TDRD3: variants seen among roughly 807,000 people sequenced by gnomAD.
The protein encoded by TDRD3 is tudor domain-containing protein 3.
A neutral mutation model predicts 86.7 loss-of-function variants in TDRD3; 45 were observed. That is an observed-to-expected ratio of 0.52 (90% confidence interval 0.41 to 0.67). TDRD3 has a LOEUF of 0.67. Ranked by LOEUF, TDRD3 falls within the 30% of genes least tolerant of loss-of-function variation. The pLI is 0.00. For synonymous variants in TDRD3, 298 were observed against 301.7 expected, an observed-to-expected ratio of 0.99 and a Z score of 0.13; for missense variants, 814 against 889.0, an observed-to-expected ratio of 0.92 and a Z score of 1.07.
intron 7 of TDRD3, among the ~76,000 whole-genome samples, chr13:60,486,976 C>T (rs917783285): frequency 2.0e-5 from 3 of 151,980 alleles, no homozygotes; most frequent in Admixed American, 6.6e-5. Flanking sequence ...TATGTGTAGA[C>T]AGTCAGCTCT....
chr13:60,420,147 G>A (rs1380918387), intron 1 of TDRD3, among the ~76,000 whole-genome samples: 1 of 151,862 alleles, frequency 6.6e-6, no homozygotes, highest in African/African-American at 2.4e-5. Context: ...TTTTCTACTT[G>A]TAATTATTTC....
rs180710804 is a variant in TDRD3 at position 60,510,780 on chromosome 13, T to G, written c.1141+25T>G. 2.8e-3 allele frequency: 4,166 copies of G among 1,481,004 alleles called. 7 individuals carry two copies. The highest frequency in any genetic ancestry group is 3.2e-3 in the Non-Finnish European group (3,551 of 1,112,562). 91.7% of individuals were successfully genotyped at this position (1,481,004 alleles called of 1,614,324 possible). A position where few individuals can be genotyped will look rare whatever the true frequency, so the allele number is the denominator to read the frequency against. On this transcript the variant is annotated intron_variant, in intron 10 of 13. Transcript: ENST00000377881. ...GGTAAGCTAATTTAAAGTTGATTCC[T>G]TTTTTTTTCTTTCTTTTCTTTCTTT...
chr13:60,566,919 ATCTC>A (rs566983193), intron 12 of TDRD3, among the ~76,000 whole-genome samples: 1,796 of 152,286 alleles, frequency 0.012, 16 homozygotes, highest in Non-Finnish European at 0.018. Flanking sequence ...TACTCTGGTG[ATCTC>A]TCTATCTTGC....
At chr13:60,525,086 CAAA>C (rs372010456) in intron 10 of TDRD3, among the ~76,000 whole-genome samples, 1 of 39,742 alleles carries the variant, frequency 2.5e-5, no homozygotes, top group South Asian at 1.9e-3. Flanking sequence ...AATTTTCTCT[CAAA>C]AAAAAAAAAA....
In TDRD3 at chr13:60,523,573, C is replaced by CTT. The variant is rs67692021; in HGVS notation, c.1142-4774_1142-4773dup. 3.3e-3 allele frequency among the ~76,000 whole-genome samples: 350 copies of CTT among 105,000 alleles called. 1 individual carries two copies. The highest frequency in any genetic ancestry group is 4.6e-3 in the Non-Finnish European group (240 of 51,694). The allele number at this position is 105,000 out of a possible 152,430, so 68.9% of individuals were successfully genotyped here. ...TTTGTCTATTTTGCAATACATTTTT[C>CTT]TTTTTTTTTTTTTTTTTTTTTGAGA... On this transcript the variant is annotated intron_variant, in intron 10 of 13. Transcript: ENST00000377881.
intron 12 of TDRD3, among the ~76,000 whole-genome samples, chr13:60,563,278 A>G (rs973346735): frequency 1.3e-5 from 2 of 152,016 alleles, no homozygotes; most frequent in Middle Eastern, 3.4e-3. Context: ...AAAAATGAAC[A>G]TATTGCTGGA....
At chr13:60,530,840 G>A (rs1957568139) in intron 11 of TDRD3, among the ~76,000 whole-genome samples, 1 of 152,082 alleles carries the variant, frequency 6.6e-6, no homozygotes, top group African/African-American at 2.4e-5. Context: ...TGTAAGTAAA[G>A]GTAACTGAAG....
At chr13:60,454,902 CTATT>C (rs1328080613) in intron 3 of TDRD3, among the ~76,000 whole-genome samples, 2 of 151,830 alleles carry the variant, frequency 1.3e-5, no homozygotes, top group Non-Finnish European at 2.9e-5. Flanking sequence ...TATCCCACCT[CTATT>C]GATTGATTGG....
chr13:60,460,730 C>A, intron 4 of TDRD3, 190 bp downstream of exon 4: 1 of 482,982 alleles, frequency 2.1e-6, no homozygotes, highest in Non-Finnish European at 3.3e-6. Context: ...TATGGCCAGG[C>A]GTGGTGGCTC....
chr13:60,509,463 C>T (rs1957010929), intron 8 of TDRD3: 2 of 213,616 alleles, frequency 9.4e-6, no homozygotes, highest in Non-Finnish European at 1.9e-5. Flanking sequence ...AAGTAGTTTT[C>T]TCCTCACTGT....
At chr13:60,506,070 C>T (rs903648122) in intron 8 of TDRD3, among the ~76,000 whole-genome samples, 22 of 152,080 alleles carry the variant, frequency 1.4e-4, no homozygotes, top group Admixed American at 7.9e-4. Context: ...AACCCCAAGA[C>T]ACATAATCAT....
chr13:60,452,478 A>G (rs1466572998), intron 3 of TDRD3, among the ~76,000 whole-genome samples: 1 of 152,000 alleles, frequency 6.6e-6, no homozygotes, highest in East Asian at 1.9e-4. Context: ...ATATTCTTAC[A>G]TTATTCTGTA....
intron 1 of TDRD3, among the ~76,000 whole-genome samples, chr13:60,434,551 T>G (rs1299914089): frequency 6.6e-6 from 1 of 152,090 alleles, no homozygotes; most frequent in Admixed American, 6.5e-5. Context: ...GTGAGAAATA[T>G]TTGTCTGTTC....
At chr13:60,551,855 G>A (rs907378203) in intron 12 of TDRD3, among the ~76,000 whole-genome samples, 2 of 152,132 alleles carry the variant, frequency 1.3e-5, no homozygotes, top group Non-Finnish European at 2.9e-5. Flanking sequence ...ATGAGGAACT[G>A]CAAACACTTT....
chr13:60,396,369 G>A (rs1280922260), upstream of TDRD3: 1 of 152,262 alleles, frequency 6.6e-6, no homozygotes, highest in Non-Finnish European at 1.5e-5. Context: ...GTTCCTCTCT[G>A]ATTGGCCAGC....
chr13:60,488,053 C>T (rs1046821099), intron 7 of TDRD3, among the ~76,000 whole-genome samples: 2 of 152,176 alleles, frequency 1.3e-5, no homozygotes, highest in Non-Finnish European at 2.9e-5. Context: ...CTAGATCCTG[C>T]TGCTCACTGC....
chr13:60,478,291 ATTTTTTTTTT>A (rs34449105), intron 5 of TDRD3, among the ~76,000 whole-genome samples: 6 of 74,300 alleles, frequency 8.1e-5, no homozygotes, highest in Admixed American at 3.2e-4. Context: ...CAGTCTACCA[ATTTTTTTTTT>A]TTTTTTTTTT....
At chr13:60,561,603 T>TA (rs1313754952) in intron 12 of TDRD3, among the ~76,000 whole-genome samples, 4 of 152,162 alleles carry the variant, frequency 2.6e-5, no homozygotes, top group Non-Finnish European at 4.4e-5. Flanking sequence ...AAATAAATAA[T>TA]AAAAAAATAT....
At chr13:60,499,408 C>T (rs1956785154) in intron 8 of TDRD3, among the ~76,000 whole-genome samples, 1 of 152,240 alleles carries the variant, frequency 6.6e-6, no homozygotes, top group African/African-American at 2.4e-5. Flanking sequence ...CATTCTGGTC[C>T]ATAAGGTCCA....
Sources: gnomAD v4.1 joint callset for allele counts (sites outside exome capture counted in the v4.1 genomes callset) on GRCh38, gnomAD v4.1.1 for gene constraint, MANE v1.5 for transcripts, NCBI Gene and HGNC (gene_info 2026-07-23, HGNC 2026-07-21) for gene names.